The following CCDC178 variants were observed in gnomAD, a reference collection of about 807,000 sequenced individuals.
The protein encoded by CCDC178 is coiled-coil domain-containing protein 178.
In CCDC178, 126 loss-of-function variants were observed where a neutral mutation model predicts 117.4. That is an observed-to-expected ratio of 1.07 (90% CI 0.93 to 1.24). The LOEUF (loss-of-function observed/expected upper bound fraction) is 1.24, where lower values mean the gene tolerates loss of function less well. Ranked by LOEUF, CCDC178 falls within the 50% of genes most tolerant of loss-of-function variation. The pLI is 0.00. For missense variants in CCDC178, 1,030 were observed against 986.9 expected, an observed-to-expected ratio of 1.04 and a Z score of -0.59; for synonymous variants, 283 against 313.4, an observed-to-expected ratio of 0.90 and a Z score of 1.02.
At chr18:32,989,607 A>C (rs1286256474) in intron 21 of CCDC178, among the ~76,000 whole-genome samples, 2 of 152,188 alleles carry the variant, frequency 1.3e-5, no homozygotes, top group Non-Finnish European at 2.9e-5. Context: ...GTATTACAAT[A>C]AAACTTTAAT....
intron 9 of CCDC178, among the ~76,000 whole-genome samples, chr18:33,334,786 C>T (rs2144636287): frequency 6.6e-6 from 1 of 152,014 alleles, no homozygotes; most frequent in East Asian, 1.9e-4. Flanking sequence ...CCCCACGGCC[C>T]TATGTATATA....
At chr18:33,373,492 A>C (rs1433783969) in intron 5 of CCDC178, among the ~76,000 whole-genome samples, 2 of 152,150 alleles carry the variant, frequency 1.3e-5, no homozygotes, top group East Asian at 1.9e-4. Flanking sequence ...AACTGTTTAT[A>C]CTGGCAGCTG....
At chr18:32,989,770 C>G (rs4799679) in intron 21 of CCDC178, among the ~76,000 whole-genome samples, 28,456 of 151,742 alleles carry the variant, frequency 0.19, 3,090 homozygotes, top group East Asian at 0.31. Context: ...TGTAGTTATA[C>G]AACATTATAT....
At chr18:33,237,056 C>G (rs1355198345) in intron 15 of CCDC178, among the ~76,000 whole-genome samples, 3 of 152,174 alleles carry the variant, frequency 2.0e-5, no homozygotes, top group Non-Finnish European at 2.9e-5. Context: ...AACTCCCACC[C>G]ACCTCCTGTG....
intron 22 of CCDC178, among the ~76,000 whole-genome samples, chr18:32,946,503 G>A (rs2144607180): frequency 6.6e-6 from 1 of 152,150 alleles, no homozygotes; most frequent in African/African-American, 2.4e-5. Flanking sequence ...TGATCACTTT[G>A]TTATTTTCTA....
At chr18:33,403,640 G>T (rs2063741106) in intron 3 of CCDC178, among the ~76,000 whole-genome samples, 1 of 152,180 alleles carries the variant, frequency 6.6e-6, no homozygotes, top group Admixed American at 6.5e-5. Flanking sequence ...AAGCTGAACG[G>T]AAATACTCAA....
chr18:32,977,052 A>C (rs1345612110), intron 21 of CCDC178, among the ~76,000 whole-genome samples: 1 of 152,148 alleles, frequency 6.6e-6, no homozygotes, highest in Non-Finnish European at 1.5e-5. Flanking sequence ...TAATCTGTCA[A>C]CTTTCTCAAT....
chr18:33,397,685 A>G (rs767281948), intron 3 of CCDC178, among the ~76,000 whole-genome samples: 1 of 152,200 alleles, frequency 6.6e-6, no homozygotes, highest in African/African-American at 2.4e-5. Context: ...TCATAACTGC[A>G]TCTCTAGAAA....
At chr18:33,190,674 A>G (rs998113536) in intron 20 of CCDC178, among the ~76,000 whole-genome samples, 1 of 152,218 alleles carries the variant, frequency 6.6e-6, no homozygotes, top group Non-Finnish European at 1.5e-5. Flanking sequence ...CTAATGAACA[A>G]TTCCAGAAAT....
At chr18:33,325,487 T>A (rs1444027756) in intron 10 of CCDC178, among the ~76,000 whole-genome samples, 1 of 152,040 alleles carries the variant, frequency 6.6e-6, no homozygotes. Flanking sequence ...TTTTATAGAA[T>A]TTCCATAAAG....
chr18:33,089,715 T>A (rs1460633362), intron 21 of CCDC178, among the ~76,000 whole-genome samples: 1 of 152,230 alleles, frequency 6.6e-6, no homozygotes, highest in African/African-American at 2.4e-5. Flanking sequence ...GCACAAAGAA[T>A]CTGGGGTGGC....
chr18:33,087,478 A>G (rs1217344898), intron 21 of CCDC178, among the ~76,000 whole-genome samples: 1 of 151,970 alleles, frequency 6.6e-6, no homozygotes, highest in Non-Finnish European at 1.5e-5. Flanking sequence ...CAAACTTATC[A>G]GTCTATAAAG....
intron 22 of CCDC178, among the ~76,000 whole-genome samples, chr18:32,966,986 C>G (rs974174299): frequency 2.0e-5 from 3 of 151,482 alleles, no homozygotes; most frequent in African/African-American, 7.3e-5. Flanking sequence ...TCAGTTTTGT[C>G]CATTTTCTGA....
At chr18:33,111,248 T>C (rs9946981) in intron 20 of CCDC178, among the ~76,000 whole-genome samples, 55 of 151,760 alleles carry the variant, frequency 3.6e-4, no homozygotes, top group African/African-American at 1.3e-3. Context: ...TTTATATCCA[T>C]TGATTCTCAC....
chr18:32,981,646 A>G (rs796991634), intron 21 of CCDC178, among the ~76,000 whole-genome samples: 43 of 152,324 alleles, frequency 2.8e-4, no homozygotes, highest in African/African-American at 1.0e-3. Flanking sequence ...TTGTTTGTTA[A>G]GGGTATCCTA....
chr18:33,146,273 C>T (rs997656712), intron 20 of CCDC178, among the ~76,000 whole-genome samples: 3 of 152,158 alleles, frequency 2.0e-5, no homozygotes, highest in African/African-American at 7.2e-5. Flanking sequence ...GCAAAGAATA[C>T]CTCAGTCTGA....
At chr18:33,225,023 GT>G in intron 16 of CCDC178, 87 bp from the exon 17 acceptor site, 1 of 953,550 alleles carries the variant, frequency 1.0e-6, no homozygotes, top group Non-Finnish European at 1.4e-6. Context: ...AGTAATATTT[GT>G]TTTTATTTGA....
chr18:33,004,581 A>G (rs1405220938), intron 21 of CCDC178, among the ~76,000 whole-genome samples: 3 of 152,104 alleles, frequency 2.0e-5, no homozygotes, highest in Non-Finnish European at 4.4e-5. Context: ...GTGATACCCC[A>G]CAAGCACATA....
chr18:33,319,264 T>TC (rs1283027345), intron 11 of CCDC178, among the ~76,000 whole-genome samples: 1 of 151,932 alleles, frequency 6.6e-6, no homozygotes, highest in Non-Finnish European at 1.5e-5. Context: ...GGTGTTCAAT[T>TC]CCCACCGATG....
Sources: allele counts gnomAD v4.1 joint callset (sites outside exome capture counted in the v4.1 genomes callset), GRCh38; gene constraint gnomAD v4.1.1; transcripts MANE v1.5; gene names NCBI Gene and HGNC (gene_info 2026-07-23, HGNC 2026-07-21).